Variants in LCORL observed in about 807,000 individuals in gnomAD.
LCORL encodes ligand dependent nuclear receptor corepressor like.
A neutral mutation model predicts 141.8 loss-of-function variants in LCORL; 41 were observed. The observed-to-expected ratio is 0.29, with a 90% CI of 0.23 to 0.38. The LOEUF (loss-of-function observed/expected upper bound fraction) is 0.38. LCORL is among the 10% of genes least tolerant of loss of function. The probability of loss-of-function intolerance (pLI) is 1.00; values close to 1 mark genes in which losing one functional copy is unlikely to be tolerated. For missense variants in LCORL, 1,759 were observed against 2,035.0 expected (o/e 0.86, Z 2.61); for synonymous variants, 618 against 694.1 (o/e 0.89, Z 1.72).
chr4:17,988,127 C>T (rs945680159), intron 1 of LCORL, among the ~76,000 whole-genome samples: 2 of 152,182 alleles, frequency 1.3e-5, no homozygotes, highest in Non-Finnish European at 2.9e-5. Context: ...CTCTGCACTA[C>T]CTCTCTCTGC....
At chr4:17,961,830 C>A in intron 4 of LCORL, 73 bp downstream of exon 4, 1 of 1,362,526 alleles carries the variant, frequency 7.3e-7, no homozygotes, top group Non-Finnish European at 1.0e-6. Context: ...ATATAAAAAA[C>A]TTTTGTGTAA....
chr4:17,916,773 T>C (rs1359459254), intron 4 of LCORL, among the ~76,000 whole-genome samples: 2 of 150,154 alleles, frequency 1.3e-5, no homozygotes, highest in Non-Finnish European at 3.0e-5. Flanking sequence ...ATCTCCCGAG[T>C]AGCTGGGATT....
rs10646952 is a variant in LCORL, at chr4:17,936,360, GAAA to G, written c.430+25540_430+25542del. Among the ~76,000 whole-genome samples the G allele has an allele frequency of 3.0e-3, 285 of 96,448 alleles. 1 individual carries two copies. The highest frequency in any genetic ancestry group is 8.9e-3 in the African/African-American group (262 of 29,308). The allele number at this position is 96,448 out of a possible 152,430, so 63.3% of individuals were successfully genotyped here. On this transcript the variant is annotated intron_variant, in intron 4 of 7. Coordinates refer to ENST00000635767, the Ensembl canonical transcript of LCORL. ...ATAAAATCTAATCCAGTCTCATAAT[GAAA>G]AAAAAAAAAAAAAAGAAACAAAAAT... is the stretch of plus-strand genomic sequence containing the variant.
At chr4:17,899,461 T>C (rs993112081) in intron 5 of LCORL, among the ~76,000 whole-genome samples, 2 of 152,068 alleles carry the variant, frequency 1.3e-5, no homozygotes, top group Non-Finnish European at 2.9e-5. Context: ...ACATAGACAG[T>C]GTGACTTACA....
intron 1 of LCORL, among the ~76,000 whole-genome samples, chr4:18,010,650 A>AC (rs202168954): frequency 0.24 from 35,836 of 151,696 alleles, 5,362 homozygotes; most frequent in African/African-American, 0.42. Flanking sequence ...GGGTTTCTGT[A>AC]CATGTTGGCC....
At chr4:17,968,719 T>C (rs531797957) in intron 2 of LCORL, among the ~76,000 whole-genome samples, 1 of 152,350 alleles carries the variant, frequency 6.6e-6, no homozygotes, top group South Asian at 2.1e-4. Flanking sequence ...AGTCAAGGAA[T>C]GAGTGAGACT....
At chr4:17,939,190 AT>A (rs1487671264) in intron 4 of LCORL, among the ~76,000 whole-genome samples, 1 of 152,208 alleles carries the variant, frequency 6.6e-6, no homozygotes, top group Non-Finnish European at 1.5e-5. Context: ...GCACAACATC[AT>A]TAGTCATCAA....
rs550876127 is a variant in LCORL at position 17,845,981 on chromosome 4, G to A, written c.5603-80C>T. The A allele has an allele frequency of 3.3e-6, 4 of 1,211,014 alleles. No homozygotes were observed. The East Asian group carries it at 7.0e-5, about 21-fold the overall frequency. 75.0% of individuals were successfully genotyped at this position (1,211,014 alleles called of 1,614,324 possible). On this transcript the variant is annotated intron_variant, in intron 7 of 7. Coordinates refer to ENST00000635767, the Ensembl canonical transcript of LCORL. Reference sequence around the variant, plus strand: ...CAACCTTGTAAAAGAACATTTAGTTGTAGTAGTGTTTGGACCTCTAAATTT... The same window carrying A: ...CAACCTTGTAAAAGAACATTTAGTTATAGTAGTGTTTGGACCTCTAAATTT...
At chr4:17,876,484 C>T (rs1726936149) in exon 7 of LCORL, 1 of 1,230,848 alleles carries the variant, frequency 8.1e-7, no homozygotes, top group Non-Finnish European at 1.0e-6. Flanking sequence ...CGCTTCACAA[C>T]CACTTGTAAA....
intron 1 of LCORL, among the ~76,000 whole-genome samples, chr4:18,016,107 T>C (rs6830062): frequency 0.24 from 36,932 of 151,814 alleles, 5,849 homozygotes; most frequent in African/African-American, 0.45. Flanking sequence ...TCATCAGGAT[T>C]CCTACCAGAA....
chr4:17,848,840 T>C (rs1459737444), intron 7 of LCORL, among the ~76,000 whole-genome samples: 2 of 152,216 alleles, frequency 1.3e-5, no homozygotes, highest in African/African-American at 2.4e-5. Flanking sequence ...TACTGTGCTT[T>C]TCCGACGGGC....
chr4:17,971,455 CAAA>C (rs555817716), intron 2 of LCORL, among the ~76,000 whole-genome samples: 52 of 143,532 alleles, frequency 3.6e-4, no homozygotes, highest in African/African-American at 1.2e-3. Context: ...TACATAATAG[CAAA>C]AAAAAAACAC....
intron 4 of LCORL, among the ~76,000 whole-genome samples, chr4:17,940,741 A>T (rs973157568): frequency 3.3e-5 from 5 of 151,968 alleles, no homozygotes; most frequent in African/African-American, 1.2e-4. Context: ...AATGAAAATA[A>T]AAATGTAATT....
At position 17,884,595 on chromosome 4, in the gene LCORL, A is replaced by C; in HGVS notation, c.776+1473T>G. On this transcript the variant is annotated intron_variant, in intron 6 of 7. Coordinates refer to ENST00000635767, the Ensembl canonical transcript of LCORL. This position sits in a 1 kb window ranked among gnomAD's most constrained non-coding sequence, Gnocchi z 4.4. ...GGCTTCCCTGCTGGTAAGGCTTCTA[A>C]GTGAAGAAGTAAAGTTTTTTGAGGT... 1.3e-6 allele frequency: 2 copies of C among 1,545,720 alleles called. No individual in the cohort carries two copies. The highest frequency in any genetic ancestry group is 1.7e-6 in the Non-Finnish European group (2 of 1,145,002).
intron 1 of LCORL, among the ~76,000 whole-genome samples, chr4:17,987,953 G>T (rs1359960460): frequency 6.6e-6 from 1 of 152,152 alleles, no homozygotes; most frequent in Non-Finnish European, 1.5e-5. Flanking sequence ...GATACAGGAT[G>T]ATATGGTTTG....
At chr4:17,855,184 A>G (rs944191282) in intron 7 of LCORL, among the ~76,000 whole-genome samples, 1 of 152,192 alleles carries the variant, frequency 6.6e-6, no homozygotes, top group Non-Finnish European at 1.5e-5. Context: ...GAAACTAATG[A>G]ACACTGCACT....
chr4:17,912,505 C>G, intron 4 of LCORL: 1 of 496,300 alleles, frequency 2.0e-6, no homozygotes, highest in Admixed American at 2.3e-5. Context: ...AGACAGGTTA[C>G]TGGTCTCAGC....
intron 5 of LCORL, among the ~76,000 whole-genome samples, chr4:17,901,415 T>C (rs1291293301): frequency 6.7e-6 from 1 of 148,350 alleles, no homozygotes; most frequent in East Asian, 2.0e-4. Flanking sequence ...ATCCTGAGAG[T>C]TTACTACCAA....
chr4:17,912,999 C>G (rs1732820790), intron 4 of LCORL: 2 of 328,932 alleles, frequency 6.1e-6, no homozygotes, highest in African/African-American at 2.2e-5. Context: ...GTAGGGTCCG[C>G]TCTGGGGAGG....
Sources: allele counts gnomAD v4.1 joint callset (sites outside exome capture counted in the v4.1 genomes callset), GRCh38; gene constraint gnomAD v4.1.1; non-coding constraint Gnocchi (gnomAD v3.1); transcripts MANE v1.5; gene names NCBI Gene and HGNC (gene_info 2026-07-23, HGNC 2026-07-21).